DOCK2: variants seen among roughly 807,000 people sequenced by gnomAD.
The protein encoded by DOCK2 is dedicator of cytokinesis protein 2.
A neutral mutation model predicts 248.9 loss-of-function variants in DOCK2; 87 were observed. The observed-to-expected ratio is 0.35, with a 90% CI of 0.29 to 0.42. DOCK2 has a LOEUF of 0.42. Ranked by LOEUF, DOCK2 falls within the 10% of genes least tolerant of loss-of-function variation. The probability of loss-of-function intolerance (pLI) is 1.00; values close to 1 mark genes in which losing one functional copy is unlikely to be tolerated. For synonymous variants in DOCK2, 805 were observed against 821.6 expected, an observed-to-expected ratio of 0.98 and a Z score of 0.35; for missense variants, 1,747 against 2,300.2, an observed-to-expected ratio of 0.76 and a Z score of 4.92.
In DOCK2 at chr5:170,045,890, G is replaced by A; in HGVS notation, c.3951G>A (p.Leu1317=). Residue 1317 remains leucine (L), a synonymous_variant, in exon 39 of 52, where the codon CTG becomes CTA. Coordinates refer to ENST00000520908, the MANE Select transcript of DOCK2 (RefSeq NM_004946.3). ...AGATGGAGATCTTTGACTATGAGCT[G>A]CTCAGCCAGAACCTGGTAAGGCATC... ...QYEMEIFDYE[L]LSQNLIQQAK... 6.2e-7 allele frequency: 1 copy of A among 1,614,162 alleles called. No individual in the cohort carries two copies. The highest frequency in any genetic ancestry group is 8.5e-7 in the Non-Finnish European group (1 of 1,180,010).
chr5:169,804,766 A>G (rs1217304100), intron 26 of DOCK2, among the ~76,000 whole-genome samples: 4 of 152,186 alleles, frequency 2.6e-5, no homozygotes, highest in Admixed American at 6.5e-5. Context: ...TCAAAATTCA[A>G]ACACAGGTCA....
chr5:169,836,296 T>C (rs946267943), intron 26 of DOCK2, among the ~76,000 whole-genome samples: 5 of 152,230 alleles, frequency 3.3e-5, no homozygotes, highest in African/African-American at 1.2e-4. Context: ...TTCAGGCTTC[T>C]TGATATTTTG....
intron 1 of DOCK2, among the ~76,000 whole-genome samples, chr5:169,650,167 T>C (rs997525204): frequency 1.3e-5 from 2 of 152,178 alleles, no homozygotes; most frequent in Non-Finnish European, 2.9e-5. Context: ...TAGCACCCAG[T>C]AGGTACTACA....
intron 1 of DOCK2, among the ~76,000 whole-genome samples, chr5:169,650,226 C>T (rs1245698693): frequency 2.0e-5 from 3 of 152,164 alleles, no homozygotes; most frequent in Non-Finnish European, 4.4e-5. Context: ...ACTAGATGTT[C>T]ACATGGATAT....
chr5:169,690,252 C>A (rs550140942), intron 9 of DOCK2, among the ~76,000 whole-genome samples: 2 of 152,118 alleles, frequency 1.3e-5, no homozygotes, highest in Admixed American at 1.3e-4. Context: ...TGTCTGTAAG[C>A]TTCTTTGGGG....
intron 27 of DOCK2, among the ~76,000 whole-genome samples, chr5:169,946,134 G>A (rs1394582142): frequency 6.6e-6 from 1 of 152,222 alleles, no homozygotes; most frequent in Non-Finnish European, 1.5e-5. Flanking sequence ...ATATGAGGAA[G>A]GAGTGATCTA....
intron 27 of DOCK2, chr5:169,882,964 G>A (rs981248621): frequency 4.5e-6 from 7 of 1,551,588 alleles, no homozygotes; most frequent in African/African-American, 2.7e-5. Context: ...GCCTTGTGAG[G>A]GGGAACTGTG....
intron 27 of DOCK2, among the ~76,000 whole-genome samples, chr5:169,878,291 T>C (rs1156462788): frequency 6.6e-6 from 1 of 151,986 alleles, no homozygotes; most frequent in Non-Finnish European, 1.5e-5. Context: ...TTTTGCAAGA[T>C]TCCCCATACC....
intron 25 of DOCK2, among the ~76,000 whole-genome samples, chr5:169,762,701 T>G (rs1267184868): frequency 2.6e-5 from 4 of 152,168 alleles, no homozygotes; most frequent in African/African-American, 9.7e-5. Flanking sequence ...CTTTTCAGGG[T>G]CAGTACTTTT....
rs774178103 is a variant in DOCK2 at position 169,883,855 on chromosome 5, C to T, written c.2799+43003C>T. Reference sequence around the variant, plus strand: ...AAACTCCACTGATTCTAGACTGTTACGCTTTAGAAGCACAGGTCTCACTTT... The same window carrying T: ...AAACTCCACTGATTCTAGACTGTTATGCTTTAGAAGCACAGGTCTCACTTT... On this transcript the variant is annotated intron_variant, in intron 27 of 51. Coordinates refer to ENST00000520908, the MANE Select transcript of DOCK2 (RefSeq NM_004946.3). 9.1e-5 allele frequency: 139 copies of T among 1,533,616 alleles called. No individual in the cohort carries two copies. The highest frequency in any genetic ancestry group is 1.7e-4 in the Middle Eastern group (1 of 5,890).
chr5:169,708,230 A>C lies in DOCK2; in HGVS notation c.1445A>C (p.Tyr482Ser), dbSNP rs1761382885. Residue 482 changes from tyrosine (Y) to serine (S), a missense_variant, in exon 15 of 52, where the codon TAT (tyrosine) becomes TCT (serine). Tyr to Ser is a moderately radical substitution (Grantham distance 144, BLOSUM62 -2). Transcript: ENST00000520908. ...PMNEYRSVVY[Y>S]QVKQPRWMET... ...AATGAGTATCGCTCCGTTGTGTACT[A>C]TCAAGTCAAACAGCCACGCTGGATG... 3.7e-6 allele frequency: 6 copies of C among 1,613,990 alleles called. No individual in the cohort carries two copies. Among genetic ancestry groups the C allele is most frequent in the East Asian group, 4.5e-5 (2 of 44,842 alleles).
intron 7 of DOCK2, among the ~76,000 whole-genome samples, chr5:169,683,968 A>C (rs543952744): frequency 6.6e-6 from 1 of 152,332 alleles, no homozygotes; most frequent in South Asian, 2.1e-4. Context: ...TATGACACTA[A>C]CTTTATGAAG....
intron 25 of DOCK2, 33 bp from the exon 26 acceptor site, chr5:169,803,025 A>C (rs1561711051): frequency 6.2e-7 from 1 of 1,605,402 alleles, no homozygotes. Context: ...AAAATGAGGA[A>C]TTCTACACTA....
chr5:169,842,653 G>A (rs1474690982), intron 27 of DOCK2, among the ~76,000 whole-genome samples: 2 of 152,134 alleles, frequency 1.3e-5, no homozygotes, highest in Non-Finnish European at 2.9e-5. Flanking sequence ...TAAACCTAAA[G>A]ATGATCATCA....
chr5:169,660,041 A>G (rs550556218), intron 2 of DOCK2, among the ~76,000 whole-genome samples: 2 of 152,118 alleles, frequency 1.3e-5, no homozygotes, highest in African/African-American at 4.8e-5. Context: ...TGTCTTCTCT[A>G]CTGAAATAAG....
intron 36 of DOCK2, among the ~76,000 whole-genome samples, chr5:170,039,231 C>A (rs1756427807): frequency 6.6e-6 from 1 of 152,168 alleles, no homozygotes; most frequent in Non-Finnish European, 1.5e-5. Context: ...GAAGCTCTCC[C>A]AACTCATCCC....
chr5:169,849,621 G>A (rs1434151702), intron 27 of DOCK2, among the ~76,000 whole-genome samples: 2 of 152,174 alleles, frequency 1.3e-5, no homozygotes, highest in African/African-American at 4.8e-5. Flanking sequence ...CTAAATTCTG[G>A]TAATTAAACC....
chr5:169,942,162 A>T (rs1776268566), intron 27 of DOCK2, among the ~76,000 whole-genome samples: 2 of 152,224 alleles, frequency 1.3e-5, no homozygotes, highest in South Asian at 4.1e-4. Flanking sequence ...CACCTGAGAA[A>T]GTCTGTAGCA....
chr5:169,832,429 G>A (rs761458987), intron 26 of DOCK2, among the ~76,000 whole-genome samples: 1 of 152,234 alleles, frequency 6.6e-6, no homozygotes, highest in Non-Finnish European at 1.5e-5. Context: ...GTGGGGAGAA[G>A]CAGAGATGAT....
Sources: allele counts gnomAD v4.1 joint callset (sites outside exome capture counted in the v4.1 genomes callset), GRCh38; gene constraint gnomAD v4.1.1; transcripts MANE v1.5; gene names NCBI Gene and HGNC (gene_info 2026-07-23, HGNC 2026-07-21).